TBC1D4: variants seen among roughly 807,000 people sequenced by gnomAD.
TBC1D4 encodes TBC (Tre-2, BUB2, CDC16) domain-containing protein.
Under a neutral mutation model 142.5 loss-of-function variants are expected in TBC1D4, and 121 were observed. The ratio of observed to expected loss-of-function variants is 0.85; its 90% CI spans 0.73 to 0.99. The LOEUF (loss-of-function observed/expected upper bound fraction) is 0.99. Among genes scored for constraint, TBC1D4 ranks in the 50% least tolerant of loss-of-function variants. TBC1D4 has a pLI of 0.00. For synonymous variants in TBC1D4, 630 were observed against 628.2 expected, an observed-to-expected ratio of 1.00 and a Z score of -0.04; for missense variants, 1,475 against 1,606.6, an observed-to-expected ratio of 0.92 and a Z score of 1.40.
At chr13:75,289,250 T>C in intron 19 of TBC1D4, 140 bp from the exon 20 acceptor site, 1 of 888,520 alleles carries the variant, frequency 1.1e-6, no homozygotes, top group Non-Finnish European at 1.8e-6. Flanking sequence ...AAAAAAAAAG[T>C]GTAACTGTCA....
At chr13:75,304,316 A>G (rs1404702563) in intron 15 of TBC1D4, among the ~76,000 whole-genome samples, 3 of 152,226 alleles carry the variant, frequency 2.0e-5, no homozygotes, top group Admixed American at 6.5e-5. Context: ...TTTATTGAGC[A>G]TCCAGTATGT....
intron 20 of TBC1D4, among the ~76,000 whole-genome samples, chr13:75,287,410 C>T (rs1874801535): frequency 2.0e-5 from 3 of 152,122 alleles, no homozygotes. Context: ...ACGGCGTTCT[C>T]TAAACATACA....
At chr13:75,396,260 C>T (rs1474976876) in intron 1 of TBC1D4, among the ~76,000 whole-genome samples, 1 of 152,186 alleles carries the variant, frequency 6.6e-6, no homozygotes, top group Non-Finnish European at 1.5e-5. Context: ...GCCACGAATG[C>T]TGTTAATGGA....
chr13:75,334,985 A>G (rs545327402), intron 8 of TBC1D4, among the ~76,000 whole-genome samples: 1 of 152,032 alleles, frequency 6.6e-6, no homozygotes, highest in African/African-American at 2.4e-5. Context: ...CCATCTCCAC[A>G]ATGGCCACTG....
chr13:75,461,127 C>T (rs952768555), intron 1 of TBC1D4, among the ~76,000 whole-genome samples: 1 of 152,158 alleles, frequency 6.6e-6, no homozygotes, highest in East Asian at 1.9e-4. Flanking sequence ...TCACTGAAGC[C>T]ACTCGCTTAC....
intron 1 of TBC1D4, among the ~76,000 whole-genome samples, chr13:75,363,861 C>A (rs1411193939): frequency 1.3e-5 from 2 of 152,174 alleles, no homozygotes; most frequent in Admixed American, 6.5e-5. Flanking sequence ...ATTCTATAAA[C>A]CAAAAAGTAT....
intron 1 of TBC1D4, among the ~76,000 whole-genome samples, chr13:75,409,186 T>C (rs9318344): frequency 0.68 from 103,277 of 152,090 alleles, 38,850 homozygotes; most frequent in East Asian, 0.97. Flanking sequence ...TGATATCATA[T>C]ATGTGGGTTT....
chr13:75,333,296 A>G (rs1879910725), intron 8 of TBC1D4, among the ~76,000 whole-genome samples: 2 of 152,350 alleles, frequency 1.3e-5, no homozygotes, highest in South Asian at 4.1e-4. Flanking sequence ...TGTGCTGGGT[A>G]CAGAAAAGAG....
At chr13:75,443,546 C>T (rs1887142211) in intron 1 of TBC1D4, among the ~76,000 whole-genome samples, 1 of 152,194 alleles carries the variant, frequency 6.6e-6, no homozygotes, top group Non-Finnish European at 1.5e-5. Flanking sequence ...AGGCACCCTT[C>T]TAACGCAGAA....
chr13:75,376,410 C>T (rs1001702130), intron 1 of TBC1D4, among the ~76,000 whole-genome samples: 2 of 144,346 alleles, frequency 1.4e-5, no homozygotes, highest in East Asian at 4.0e-4. Context: ...TGGAATCTCA[C>T]TGTGTCACCC....
chr13:75,345,737 CAAA>C (rs112998838), intron 5 of TBC1D4, among the ~76,000 whole-genome samples: 8,750 of 119,480 alleles, frequency 0.073, 654 homozygotes, highest in African/African-American at 0.2. Flanking sequence ...TAAGAAAATA[CAAA>C]AAAAAAAAAA....
intron 1 of TBC1D4, among the ~76,000 whole-genome samples, chr13:75,371,944 T>A (rs891300666): frequency 2.0e-5 from 3 of 152,234 alleles, no homozygotes; most frequent in Non-Finnish European, 4.4e-5. Flanking sequence ...GTGTCACTTA[T>A]GAAAAATAAC....
intron 15 of TBC1D4, among the ~76,000 whole-genome samples, chr13:75,306,080 C>A (rs1186932322): frequency 1.3e-5 from 2 of 152,146 alleles, no homozygotes; most frequent in South Asian, 2.1e-4. Flanking sequence ...TGTATCAATG[C>A]ATGCACTTCT....
At chr13:75,465,519 G>A (rs576482206) in intron 1 of TBC1D4, among the ~76,000 whole-genome samples, 46 of 152,264 alleles carry the variant, frequency 3.0e-4, no homozygotes, top group Admixed American at 1.1e-3. Context: ...GGTGGAGAGC[G>A]GAGCTTCAAT....
chr13:75,450,392 G>A (rs1167948767), intron 1 of TBC1D4, among the ~76,000 whole-genome samples: 1 of 152,100 alleles, frequency 6.6e-6, no homozygotes, highest in Non-Finnish European at 1.5e-5. Flanking sequence ...TTCAAAAAAA[G>A]CCCTTTAGTA....
chr13:75,425,858 G>C (rs539120736), intron 1 of TBC1D4, among the ~76,000 whole-genome samples: 6 of 152,258 alleles, frequency 3.9e-5, no homozygotes, highest in Non-Finnish European at 5.9e-5. Flanking sequence ...ATTTCAGTTA[G>C]ATAGGAGGAA....
intron 1 of TBC1D4, among the ~76,000 whole-genome samples, chr13:75,419,523 A>G (rs572833648): frequency 6.6e-6 from 1 of 152,318 alleles, no homozygotes; most frequent in African/African-American, 2.4e-5. Context: ...ATATATTATC[A>G]AAAATCATGT....
At chr13:75,443,101 T>A (rs1460771408) in intron 1 of TBC1D4, among the ~76,000 whole-genome samples, 1 of 152,220 alleles carries the variant, frequency 6.6e-6, no homozygotes, top group Non-Finnish European at 1.5e-5. Context: ...AATTAGTTAC[T>A]TCAGTTTAGA....
At chr13:75,372,136 T>C (rs751128724) in intron 1 of TBC1D4, among the ~76,000 whole-genome samples, 27 of 152,340 alleles carry the variant, frequency 1.8e-4, no homozygotes, top group Non-Finnish European at 2.8e-4. Flanking sequence ...CGTTCTTTAT[T>C]TTCGAGATCC....
Sources: allele counts gnomAD v4.1 joint callset (sites outside exome capture counted in the v4.1 genomes callset), GRCh38; gene constraint gnomAD v4.1.1; transcripts MANE v1.5; gene names NCBI Gene and HGNC (gene_info 2026-07-23, HGNC 2026-07-21).